ZC3H4: variants seen among roughly 807,000 people sequenced by gnomAD.
ZC3H4 encodes the protein zinc finger CCCH domain-containing protein 4.
In ZC3H4, 13 loss-of-function variants were observed where a neutral mutation model predicts 108.3. The observed-to-expected ratio is 0.12, with a 90% CI of 0.08 to 0.19. The LOEUF (loss-of-function observed/expected upper bound fraction) is 0.19. ZC3H4 is among the 10% of genes least tolerant of loss of function. ZC3H4 has a pLI of 1.00. For missense variants in ZC3H4, 1,734 were observed against 1,838.8 expected (o/e 0.94, Z 1.04); for synonymous variants, 917 against 749.6 (o/e 1.22, Z -3.65).
Position 47,067,803 on chromosome 19 carries a change from T to A in ZC3H4, c.2465A>T (p.Lys822Met). 6.2e-7 allele frequency: 1 copy of A among 1,609,436 alleles called. No homozygotes were observed. Among genetic ancestry groups the A allele is most frequent in the Non-Finnish European group, 8.5e-7 (1 of 1,178,422 alleles). The change falls in exon 15 of 15, where the codon AAG becomes ATG. Residue 822 changes from lysine to methionine, a missense_variant. Physicochemically the swap from Lys to Met is moderately conservative, Grantham distance 95. This residue lies in a region of ZC3H4 where 540 missense variants were observed against 484.1 expected (regional missense o/e 1.12). Coordinates refer to ENST00000253048, the MANE Select transcript of ZC3H4 (RefSeq NM_015168.2). This position sits in a 1 kb window ranked among gnomAD's most constrained non-coding sequence, Gnocchi z 6.4. The stretch of plus-strand genomic sequence containing the variant: ...GCTGGACGTCTGCTGCCTCAAGGTC[T>A]TCAGGATGGAGGTGACACTGCTTCC... Reference protein sequence around the residue: ...EGGSSVTSILKTLRQQTSSRP... With the variant: ...EGGSSVTSILMTLRQQTSSRP...
intron 2 of ZC3H4, among the ~76,000 whole-genome samples, chr19:47,108,212 C>CTAT (rs2057992000): frequency 6.6e-6 from 1 of 152,080 alleles, no homozygotes; most frequent in Non-Finnish European, 1.5e-5. Flanking sequence ...ACTTTGCTTG[C>CTAT]TATTCACTCT....
At chr19:47,080,521 C>T (rs1368175509) in intron 11 of ZC3H4, among the ~76,000 whole-genome samples, 4 of 152,078 alleles carry the variant, frequency 2.6e-5, no homozygotes, top group East Asian at 1.9e-4. Context: ...TTGGAGATGG[C>T]GTCTTGCTCT....
chr19:47,096,575 G>A (rs2057823504), intron 2 of ZC3H4, among the ~76,000 whole-genome samples: 1 of 152,238 alleles, frequency 6.6e-6, no homozygotes, highest in Non-Finnish European at 1.5e-5. Context: ...TGGGAATACT[G>A]GGGGCAGGCC....
chr19:47,094,195 A>T, intron 3 of ZC3H4, 115 bp from the exon 4 acceptor site: 1 of 1,159,900 alleles, frequency 8.6e-7, no homozygotes, highest in Non-Finnish European at 1.3e-6. Flanking sequence ...GCTTCACCTG[A>T]AACACCTCAC....
chr19:47,086,249 G>T, intron 6 of ZC3H4, 135 bp downstream of exon 6: 1 of 966,800 alleles, frequency 1.0e-6, no homozygotes, highest in Non-Finnish European at 1.6e-6. Context: ...ATACATCTGC[G>T]CTCTGAGGCT....
In ZC3H4 at chr19:47,069,339, G is replaced by T; in HGVS notation, c.2151C>A (p.Asp717Glu). The T allele has an allele frequency of 6.2e-7, 1 of 1,612,598 alleles. No homozygotes were observed. The highest frequency in any genetic ancestry group is 8.5e-7 in the Non-Finnish European group (1 of 1,179,404). Residue 717 changes from aspartate (D) to glutamate (E), a missense_variant, in exon 14 of 15, where the codon GAC (aspartate) becomes GAA (glutamate). By Grantham distance (45) the Asp-to-Glu change is conservative (BLOSUM62 2). This residue lies in a region of ZC3H4 where 540 missense variants were observed against 484.1 expected (regional missense o/e 1.12). Coordinates refer to ENST00000253048, the MANE Select transcript of ZC3H4 (RefSeq NM_015168.2). ...MEPGLLGDAEDYGHYEELPGE... is the reference protein window; with the variant it reads ...MEPGLLGDAEEYGHYEELPGE... ...CTGGCAGCTCTTCGTAGTGCCCGTA[G>T]TCCTCTGTGGCAGGGAAGAACCGAG...
chr19:47,082,527 G>A (rs960829167), intron 9 of ZC3H4, among the ~76,000 whole-genome samples: 33 of 152,056 alleles, frequency 2.2e-4, no homozygotes, highest in African/African-American at 7.0e-4. Flanking sequence ...TGCCCAGGCT[G>A]GTCTCAAACT....
chr19:47,082,088 A>C (rs1213132327), intron 10 of ZC3H4, 96 bp downstream of exon 10: 12 of 1,052,838 alleles, frequency 1.1e-5, no homozygotes, highest in African/African-American at 3.1e-5. Flanking sequence ...CACAGAGAGA[A>C]AGCACAGAGA....
In ZC3H4 at chr19:47,067,460, G is replaced by T. The variant is rs370977082; in HGVS notation, c.2808C>A (p.Ala936=). 7 of 1,587,538 alleles carry T rather than the reference G, an allele frequency of 4.4e-6. No individual in the cohort carries two copies. Among genetic ancestry groups the T allele is most frequent in the South Asian group, 1.1e-5 (1 of 87,350 alleles). Residue 936 remains alanine (A), a synonymous_variant, in exon 15 of 15, where the codon GCC becomes GCA. Coordinates refer to ENST00000253048, the MANE Select transcript of ZC3H4 (RefSeq NM_015168.2). This position sits in a 1 kb window ranked among gnomAD's most constrained non-coding sequence, Gnocchi z 6.4. ...GGAGTGGGTCCAGGGGAATGTTCAC[G>T]GCCTTCTCCCGCAGGGCCCGCTCCC... The part of the protein sequence containing the change: ...EEGERALREK[A]VNIPLDPLPG...
rs749068609 is a variant in ZC3H4 at position 47,094,034 on chromosome 19, G to A, written c.428C>T (p.Ser143Leu). The A allele has an allele frequency of 6.2e-7, 1 of 1,614,166 alleles. No individual in the cohort carries two copies. Among genetic ancestry groups the A allele is most frequent in the Non-Finnish European group, 8.5e-7 (1 of 1,180,036 alleles). Residue 143 changes from serine (S) to leucine (L), a missense_variant, in exon 4 of 15, where the codon TCG (serine) becomes TTG (leucine). Ser to Leu is a moderately radical substitution (Grantham distance 145). Transcript: ENST00000253048. ...SDDFSDFSDD[S>L]DFSPSEKGHR... is the part of the protein sequence containing the mutation. ...ACCTTTCTCACTGGGGCTGAAATCC[G>A]AGTCATCTGAGAAGTCAGAGAAGTC...
intron 2 of ZC3H4, among the ~76,000 whole-genome samples, chr19:47,100,860 G>A (rs1369439297): frequency 6.6e-6 from 1 of 151,966 alleles, no homozygotes; most frequent in Non-Finnish European, 1.5e-5. Context: ...ACCGCGTCCA[G>A]ATAATTTTTG....
rs2057354150 is a variant in ZC3H4, at chr19:47,072,768, C to T, written c.1441-55G>A. ...TGGACGGGGTCAGGATGGAAACGGA[C>T]CTCTCCAGGTCTGAGAGCTGAAGTT... is the stretch of plus-strand genomic sequence containing the variant. On this transcript the variant is annotated intron_variant, in intron 11 of 14. Transcript: ENST00000253048. This position sits in a 1 kb window ranked among gnomAD's most constrained non-coding sequence, Gnocchi z 5.6. 1.3e-6 allele frequency: 2 copies of T among 1,599,844 alleles called. No homozygotes were observed. The highest frequency in any genetic ancestry group is 1.3e-5 in the African/African-American group (1 of 74,750).
chr19:47,081,384 AAT>A lies in ZC3H4; in HGVS notation c.1440+127_1440+128del, dbSNP rs557426106. On this transcript the variant is annotated intron_variant, in intron 11 of 14. Coordinates refer to ENST00000253048, the MANE Select transcript of ZC3H4 (RefSeq NM_015168.2). ...GACACAGTGCCCGTGTCCTCCTTAG[AAT>A]GGCCCAATTCCAGATCAACCAAACT... The A allele has an allele frequency of 7.3e-5, 52 of 716,400 alleles. 1 individual carries two copies. The highest frequency in any genetic ancestry group is 6.9e-4 in the South Asian group (43 of 62,012). The allele number at this position is 716,400 out of a possible 1,614,324, so 44.4% of individuals were successfully genotyped here.
At chr19:47,068,457 G>T (rs2122673873) in intron 14 of ZC3H4, among the ~76,000 whole-genome samples, 1 of 152,348 alleles carries the variant, frequency 6.6e-6, no homozygotes, top group South Asian at 2.1e-4. Flanking sequence ...GTCACCAGCT[G>T]ATAAGAGGCA....
chr19:47,066,310 AT>A lies in ZC3H4; in HGVS notation c.*45del. The A allele has an allele frequency of 7.0e-7, 1 of 1,435,932 alleles. No individual in the cohort carries two copies. Among genetic ancestry groups the A allele is most frequent in the Non-Finnish European group, 9.2e-7 (1 of 1,085,562 alleles). 88.9% of individuals were successfully genotyped at this position (1,435,932 alleles called of 1,614,324 possible). On this transcript the variant is annotated 3_prime_UTR_variant, in exon 15 of 15. Coordinates refer to ENST00000253048, the MANE Select transcript of ZC3H4 (RefSeq NM_015168.2). ...TTCCCTACCCTGGGTGCTGCCCTGA[AT>A]GCCACCCTAGGAAGGGTGGCTGGAG...
rs2122611162 is a variant in ZC3H4, at chr19:47,064,737, A to AC, written c.*1618_*1619insG. On this transcript the variant is annotated 3_prime_UTR_variant, in exon 15 of 15. Coordinates refer to ENST00000253048, the MANE Select transcript of ZC3H4 (RefSeq NM_015168.2). ...ATGATTGTGTAAAAAAAAAAAAAAA[A>AC]AAAAAGACAAAAAGACAAACCAACC... The AC allele has an allele frequency of 6.6e-6, 1 of 151,350 alleles. No individual in the cohort carries two copies. Among genetic ancestry groups the AC allele is most frequent in the South Asian group, 2.1e-4 (1 of 4,816 alleles). 9.4% of individuals were successfully genotyped at this position (151,350 alleles called of 1,614,324 possible).
chr19:47,087,571 A>G (rs2057653794), intron 5 of ZC3H4, among the ~76,000 whole-genome samples: 1 of 150,974 alleles, frequency 6.6e-6, no homozygotes, highest in African/African-American at 2.5e-5. Context: ...CTCATCCCTC[A>G]TCTCTACTAA....
intron 2 of ZC3H4, among the ~76,000 whole-genome samples, chr19:47,104,389 G>A (rs1568568040): frequency 6.6e-6 from 1 of 152,108 alleles, no homozygotes; most frequent in Non-Finnish European, 1.5e-5. Flanking sequence ...TCACCTGTGG[G>A]TTCCTTAAGG....
At chr19:47,093,756 AT>A (rs540871940) in intron 4 of ZC3H4, 26 of 454,192 alleles carry the variant, frequency 5.7e-5, no homozygotes, top group Non-Finnish European at 9.5e-5. Context: ...TAATTTTTTT[AT>A]TTTTTGTGGG....
Sources: gnomAD v4.1 joint callset for allele counts (sites outside exome capture counted in the v4.1 genomes callset) on GRCh38, gnomAD v4.1.1 for gene constraint, gnomAD v4.1.1 regional missense constraint, Gnocchi (gnomAD v3.1) non-coding constraint, MANE v1.5 for transcripts, NCBI Gene and HGNC (gene_info 2026-07-23, HGNC 2026-07-21) for gene names.